The following HIVEP3 variants were observed in gnomAD, a reference collection of about 807,000 sequenced individuals.
The protein encoded by HIVEP3 is transcription factor HIVEP3.
Under a neutral mutation model 152.8 loss-of-function variants are expected in HIVEP3, and 49 were observed. The observed-to-expected ratio is 0.32, with a 90% CI of 0.26 to 0.41. The LOEUF (loss-of-function observed/expected upper bound fraction) is 0.41, where lower values mean the gene tolerates loss of function less well. Ranked by LOEUF, HIVEP3 falls within the 10% of genes least tolerant of loss-of-function variation. The pLI, the probability that HIVEP3 is intolerant of heterozygous loss-of-function variation, is 1.00. For synonymous variants in HIVEP3, 1,269 were observed against 1,289.0 expected (o/e 0.98, Z 0.33); for missense variants, 2,790 against 3,103.3 (o/e 0.90, Z 2.40).
At chr1:41,959,529 G>A (rs115446572) in intron 1 of HIVEP3, among the ~76,000 whole-genome samples, 384 of 152,278 alleles carry the variant, frequency 2.5e-3, no homozygotes, top group African/African-American at 8.9e-3. Flanking sequence ...TGGCCTGATC[G>A]AGCATTGGAA....
At position 41,510,429 on chromosome 1, in the gene HIVEP3, T is replaced by C. The variant is rs1644432612; in HGVS notation, c.*22A>G. On this transcript the variant is annotated 3_prime_UTR_variant, in exon 9 of 9. Transcript: ENST00000372583. ...CTGTTGCTGGACACTGGAAGCCAGA[T>C]GCTGAAGCAGTTGGAGAGAGGCTAA... 3 of 1,453,878 alleles carry C rather than the reference T, an allele frequency of 2.1e-6. No individual in the cohort carries two copies. Among genetic ancestry groups the C allele is most frequent in the East Asian group, 2.5e-5 (1 of 39,524 alleles). The allele number at this position is 1,453,878 out of a possible 1,614,324, so 90.1% of individuals were successfully genotyped here.
At position 41,581,591 on chromosome 1, in the gene HIVEP3, G is replaced by C. The variant is rs538096073; in HGVS notation, c.3207C>G (p.Ser1069Arg). The change falls in exon 4 of 9, where the codon AGC (serine) becomes AGG (arginine). Residue 1069 changes from serine (S) to arginine (R), a missense_variant. Ser to Arg is a moderately radical substitution (Grantham distance 110). Coordinates refer to ENST00000372583, the MANE Select transcript of HIVEP3 (RefSeq NM_024503.5). This position sits in a 1 kb window ranked among gnomAD's most constrained non-coding sequence, Gnocchi z 4.5. ...LEVAPKGRQE[S>R]EEPQPSSSKP... ...TACTGGATGAGGGCTGTGGTTCTTCGCTCTCCTGTCTTCCCTTGGGGGCAA... is the reference window on the plus strand; with the variant it reads ...TACTGGATGAGGGCTGTGGTTCTTCCCTCTCCTGTCTTCCCTTGGGGGCAA... 9.3e-6 allele frequency: 15 copies of C among 1,613,622 alleles called. No homozygotes were observed. Among genetic ancestry groups the C allele is most frequent in the Non-Finnish European group, 1.3e-5 (15 of 1,179,810 alleles).
chr1:41,762,039 C>A (rs1288441504), intron 1 of HIVEP3, among the ~76,000 whole-genome samples: 2 of 152,188 alleles, frequency 1.3e-5, no homozygotes, highest in African/African-American at 2.4e-5. Flanking sequence ...CATACCTACC[C>A]TTCCCTAATT....
At chr1:41,576,520 C>T (rs543842502) in intron 4 of HIVEP3, among the ~76,000 whole-genome samples, 10 of 152,204 alleles carry the variant, frequency 6.6e-5, no homozygotes, top group Non-Finnish European at 1.0e-4. Flanking sequence ...AAATGCTGTG[C>T]TTAGGGGCTG....
intron 2 of HIVEP3, among the ~76,000 whole-genome samples, chr1:41,635,094 C>T (rs1645249516): frequency 1.3e-5 from 2 of 152,064 alleles, no homozygotes; most frequent in African/African-American, 2.4e-5. Flanking sequence ...CGGACCACAG[C>T]CTCAGTTCTT....
At chr1:41,744,197 C>T (rs1647037245) in intron 1 of HIVEP3, among the ~76,000 whole-genome samples, 1 of 152,156 alleles carries the variant, frequency 6.6e-6, no homozygotes, top group African/African-American at 2.4e-5. Flanking sequence ...TGCCACCACG[C>T]CCGGCTAATT....
intron 3 of HIVEP3, among the ~76,000 whole-genome samples, chr1:41,593,980 G>A (rs542854326): frequency 1.4e-4 from 21 of 152,182 alleles, no homozygotes; most frequent in East Asian, 9.7e-4. Context: ...ACAGCCAGCC[G>A]CATCTTTCTC....
chr1:41,772,901 G>A (rs1452925248), intron 1 of HIVEP3, among the ~76,000 whole-genome samples: 4 of 152,086 alleles, frequency 2.6e-5, no homozygotes, highest in Non-Finnish European at 5.9e-5. Context: ...GTGAGACTCT[G>A]TATCAAAAAA....
intron 1 of HIVEP3, among the ~76,000 whole-genome samples, chr1:41,932,086 A>G (rs1644998940): frequency 6.6e-6 from 1 of 151,900 alleles, no homozygotes; most frequent in Non-Finnish European, 1.5e-5. Context: ...AGCCTTTTGT[A>G]GATGCCCTTT....
upstream of HIVEP3, among the ~76,000 whole-genome samples, chr1:41,921,456 G>A (rs372314357): frequency 6.6e-6 from 1 of 152,104 alleles, no homozygotes; most frequent in African/African-American, 2.4e-5. Flanking sequence ...CCTTGCACAC[G>A]CTCTCTTGCC....
chr1:41,673,193 G>A (rs572329410), intron 2 of HIVEP3, among the ~76,000 whole-genome samples: 12 of 152,264 alleles, frequency 7.9e-5, no homozygotes, highest in South Asian at 2.1e-4. Flanking sequence ...TGGAACAGCC[G>A]GCTAGCTGCT....
chr1:41,800,475 T>A (rs1358210652), intron 1 of HIVEP3, among the ~76,000 whole-genome samples: 1 of 152,240 alleles, frequency 6.6e-6, no homozygotes, highest in African/African-American at 2.4e-5. Flanking sequence ...CCCCTCGATG[T>A]GAGGGAGGCT....
intron 1 of HIVEP3, among the ~76,000 whole-genome samples, chr1:41,905,266 G>T (rs570993899): frequency 6.6e-6 from 1 of 152,244 alleles, no homozygotes; most frequent in South Asian, 2.1e-4. Flanking sequence ...GCAGCAGGAG[G>T]GGGCAGCCAG....
intron 2 of HIVEP3, among the ~76,000 whole-genome samples, chr1:41,693,989 C>T (rs1646234693): frequency 6.6e-6 from 1 of 152,246 alleles, no homozygotes; most frequent in African/African-American, 2.4e-5. Flanking sequence ...CCTTGAGCCA[C>T]AGGTCTATTT....
chr1:41,780,952 G>C (rs1265178052), intron 1 of HIVEP3, among the ~76,000 whole-genome samples: 3 of 152,180 alleles, frequency 2.0e-5, no homozygotes, highest in Non-Finnish European at 4.4e-5. Flanking sequence ...AAGAGCAGGA[G>C]TAACAAAAAC....
At chr1:41,758,716 A>C (rs1331502511) in intron 1 of HIVEP3, among the ~76,000 whole-genome samples, 1 of 152,224 alleles carries the variant, frequency 6.6e-6, no homozygotes, top group African/African-American at 2.4e-5. Flanking sequence ...AAACAGCATC[A>C]TGTTGGACAA....
chr1:41,774,269 C>T (rs960839926), intron 1 of HIVEP3, among the ~76,000 whole-genome samples: 13 of 152,206 alleles, frequency 8.5e-5, no homozygotes, highest in Admixed American at 7.9e-4. Context: ...ATGCCACCAT[C>T]CTCACATCAT....
chr1:42,033,866 G>A (rs1249677012), intron 1 of HIVEP3, among the ~76,000 whole-genome samples: 1 of 152,188 alleles, frequency 6.6e-6, no homozygotes, highest in Non-Finnish European at 1.5e-5. Context: ...GGCTGCCTAG[G>A]TTAGAATCTG....
At chr1:42,017,810 A>T (rs748891995) in intron 1 of HIVEP3, among the ~76,000 whole-genome samples, 12 of 152,080 alleles carry the variant, frequency 7.9e-5, no homozygotes, top group Non-Finnish European at 1.3e-4. Flanking sequence ...TACAGAGTGT[A>T]TGTTCAGCTT....
Sources: allele counts gnomAD v4.1 joint callset (sites outside exome capture counted in the v4.1 genomes callset), GRCh38; gene constraint gnomAD v4.1.1; non-coding constraint Gnocchi (gnomAD v3.1); transcripts MANE v1.5; gene names NCBI Gene and HGNC (gene_info 2026-07-23, HGNC 2026-07-21).